The following NKAIN2 variants were observed in gnomAD, a reference collection of about 807,000 sequenced individuals.
The protein encoded by NKAIN2 is sodium/potassium-transporting ATPase subunit beta-1-interacting protein 2.
NKAIN2 carries 14 observed loss-of-function variants against 32.6 expected under a neutral mutation model. The ratio of observed to expected loss-of-function variants is 0.43; its 90% CI spans 0.28 to 0.67. The LOEUF is 0.67. Ranked by LOEUF, NKAIN2 falls within the 30% of genes least tolerant of loss-of-function variation. The pLI is 0.17. For missense variants in NKAIN2, 198 were observed against 258.3 expected (o/e 0.77, Z 1.60); for synonymous variants, 80 against 87.2 (o/e 0.92, Z 0.46).
chr6:124,008,988 T>G lies in NKAIN2; in HGVS notation c.54+204734T>G, dbSNP rs149105497. On this transcript the variant is annotated intron_variant, in intron 1 of 6. Transcript: ENST00000368417. ...CTCTCATGAGATTTGGGCATGTACT[T>G]TAAGACGGTATTCCATAAGTCTTTA... is the stretch of plus-strand genomic sequence containing the variant. Among the ~76,000 whole-genome samples the G allele has an allele frequency of 1.8e-3, 281 of 152,316 alleles. 1 individual carries two copies. The highest frequency in any genetic ancestry group is 6.3e-3 in the African/African-American group (262 of 41,570).
chr6:124,268,028 C>T (rs141034407), intron 1 of NKAIN2, among the ~76,000 whole-genome samples: 338 of 152,230 alleles, frequency 2.2e-3, no homozygotes, highest in African/African-American at 7.7e-3. Flanking sequence ...ACTTCATTTT[C>T]ATTTTTTAAA....
intron 3 of NKAIN2, among the ~76,000 whole-genome samples, chr6:124,476,110 G>A (rs1050945515): frequency 2.8e-5 from 4 of 142,260 alleles, no homozygotes; most frequent in African/African-American, 1.0e-4. Flanking sequence ...GTGCGCGCGC[G>A]CATGCATGTA....
chr6:124,185,870 ATG>A (rs1356257591), intron 1 of NKAIN2, among the ~76,000 whole-genome samples: 2 of 31,488 alleles, frequency 6.4e-5, no homozygotes, highest in Non-Finnish European at 3.8e-4. Context: ...TAGGGGAAAC[ATG>A]TGGAAATGGA....
chr6:123,887,819 AC>A, intron 1 of NKAIN2, among the ~76,000 whole-genome samples: 1 of 152,178 alleles, frequency 6.6e-6, no homozygotes, highest in South Asian at 2.1e-4. Flanking sequence ...GCTTTGAGAG[AC>A]TGCAGATGAC....
chr6:124,811,619 C>G (rs1780907291), intron 5 of NKAIN2, among the ~76,000 whole-genome samples: 3 of 152,064 alleles, frequency 2.0e-5, no homozygotes, highest in African/African-American at 7.2e-5. Context: ...ACAATTATTA[C>G]AGTACATCCA....
chr6:124,301,111 G>A (rs1473250951), intron 2 of NKAIN2, among the ~76,000 whole-genome samples: 1 of 152,096 alleles, frequency 6.6e-6, no homozygotes, highest in Admixed American at 6.5e-5. Flanking sequence ...CCAGTCCAGG[G>A]CCCCTCTCCT....
chr6:124,800,073 C>T (rs1015607329), intron 5 of NKAIN2, among the ~76,000 whole-genome samples: 2 of 152,176 alleles, frequency 1.3e-5, no homozygotes, highest in Admixed American at 6.5e-5. Context: ...CAAGACAAAA[C>T]GCTGGCACAG....
intron 3 of NKAIN2, among the ~76,000 whole-genome samples, chr6:124,433,682 TGC>T (rs1775312590): frequency 6.6e-6 from 1 of 152,048 alleles, no homozygotes; most frequent in African/African-American, 2.4e-5. Flanking sequence ...TGAGATTTGG[TGC>T]CAGGTGAATC....
chr6:123,810,704 A>G (rs930414277), intron 1 of NKAIN2, among the ~76,000 whole-genome samples: 3 of 152,046 alleles, frequency 2.0e-5, no homozygotes, highest in African/African-American at 7.2e-5. Context: ...TGGCCAGTGC[A>G]CAGTATTGTT....
intron 3 of NKAIN2, among the ~76,000 whole-genome samples, chr6:124,396,990 T>C (rs1238549369): frequency 6.6e-6 from 1 of 152,168 alleles, no homozygotes; most frequent in Non-Finnish European, 1.5e-5. Flanking sequence ...CATTAGAGAA[T>C]GATTTTACTT....
At chr6:124,675,801 T>G (rs1773330796) in intron 4 of NKAIN2, among the ~76,000 whole-genome samples, 1 of 151,968 alleles carries the variant, frequency 6.6e-6, no homozygotes, top group Non-Finnish European at 1.5e-5. Context: ...AGTTTTTTTG[T>G]TTTTTTAATA....
chr6:124,273,449 T>C (rs1428973049), intron 1 of NKAIN2, among the ~76,000 whole-genome samples: 1 of 152,184 alleles, frequency 6.6e-6, no homozygotes, highest in Admixed American at 6.5e-5. Context: ...ACATGCAGAA[T>C]TGTGAGTTAA....
At position 124,605,221 on chromosome 6, in the gene NKAIN2, G is replaced by T. The variant is rs619980; in HGVS notation, c.274-52965G>T. On this transcript the variant is annotated intron_variant, in intron 3 of 6. Transcript: ENST00000368417. ...AATATTGCCAGGAAACTTCTGTACT[G>T]GTTGTTGTTACTTTTATTCGCTGGG... Among the ~76,000 whole-genome samples, 1,086 of 152,146 alleles carry T rather than the reference G, an allele frequency of 7.1e-3. 7 individuals carry two copies. Among genetic ancestry groups the T allele is most frequent in the Non-Finnish European group, 0.011 (767 of 67,950 alleles).
At chr6:123,916,643 T>C (rs1218623326) in intron 1 of NKAIN2, among the ~76,000 whole-genome samples, 2 of 151,956 alleles carry the variant, frequency 1.3e-5, no homozygotes, top group African/African-American at 4.8e-5. Context: ...GATATGAAGG[T>C]GGGAGATTTG....
chr6:124,591,629 C>T (rs980685234), intron 3 of NKAIN2, among the ~76,000 whole-genome samples: 3 of 152,078 alleles, frequency 2.0e-5, no homozygotes, highest in African/African-American at 7.2e-5. Flanking sequence ...TTCTATTGTT[C>T]ATATAGTTTT....
chr6:124,182,205 A>G (rs1422548797), intron 1 of NKAIN2, among the ~76,000 whole-genome samples: 2 of 152,158 alleles, frequency 1.3e-5, no homozygotes, highest in Non-Finnish European at 2.9e-5. Context: ...TGAGAACAGC[A>G]TGAGAAAAAC....
chr6:124,275,281 C>A (rs1241730038), intron 1 of NKAIN2, among the ~76,000 whole-genome samples: 1 of 151,938 alleles, frequency 6.6e-6, no homozygotes, highest in Non-Finnish European at 1.5e-5. Context: ...TCTATGGGGG[C>A]TTTTACATAA....
At chr6:124,379,890 T>C (rs924040014) in intron 3 of NKAIN2, among the ~76,000 whole-genome samples, 1 of 152,140 alleles carries the variant, frequency 6.6e-6, no homozygotes, top group Non-Finnish European at 1.5e-5. Context: ...TTTTTGTGTT[T>C]TCAGAAAATT....
At position 124,718,570 on chromosome 6, in the gene NKAIN2, T is replaced by C. The variant is rs368166296; in HGVS notation, c.474+60184T>C. ...GTACAACTTTTTGTTCATTGTCTTTTAATATTTCTAAGATTAATATTCCCC... is the reference window on the plus strand; with the variant it reads ...GTACAACTTTTTGTTCATTGTCTTTCAATATTTCTAAGATTAATATTCCCC... On this transcript the variant is annotated intron_variant, in intron 4 of 6. Transcript: ENST00000368417. Among the ~76,000 whole-genome samples the C allele has an allele frequency of 1.2e-4, 19 of 152,318 alleles. No homozygotes were observed. The South Asian group carries it at 3.9e-3, about 32-fold the overall frequency.
Sources: allele counts gnomAD v4.1 joint callset (sites outside exome capture counted in the v4.1 genomes callset), GRCh38; gene constraint gnomAD v4.1.1; transcripts MANE v1.5; gene names NCBI Gene and HGNC (gene_info 2026-07-23, HGNC 2026-07-21).